The following VPS53 variants were observed in gnomAD, a reference collection of about 807,000 sequenced individuals.
VPS53 encodes the protein vacuolar protein sorting-associated protein 53 homolog.
VPS53 carries 70 observed loss-of-function variants against 107.0 expected under a neutral mutation model. That is an observed-to-expected ratio of 0.65 (90% confidence interval 0.54 to 0.80). VPS53 has a LOEUF of 0.80. Ranked by LOEUF, VPS53 falls within the 30% of genes least tolerant of loss-of-function variation. VPS53 has a pLI of 0.00. For synonymous variants in VPS53, 409 were observed against 393.3 expected, an observed-to-expected ratio of 1.04 and a Z score of -0.47; for missense variants, 917 against 1,049.4, an observed-to-expected ratio of 0.87 and a Z score of 1.74.
chr17:509,923 T>C lies in VPS53; in HGVS notation c.*9205A>G, dbSNP rs57746945. The C allele has an allele frequency of 0.087, 9,195 of 106,232 alleles. 1,569 individuals are homozygous for C. The highest frequency in any genetic ancestry group is 0.34 in the African/African-American group (6,848 of 20,402). The allele number at this position is 106,232 out of a possible 1,614,324, so 6.6% of individuals were successfully genotyped here. A position where few individuals can be genotyped will look rare whatever the true frequency, so the allele number is the denominator to read the frequency against. The stretch of plus-strand genomic sequence containing the variant: ...CCTGGCTCGCCCCTCACCAGTCACA[T>C]ATCAAATCCTGGCTCGCCCCTCACC... On this transcript the variant is annotated 3_prime_UTR_variant, in exon 22 of 22. Transcript: ENST00000437048.
At chr17:667,660 G>C (rs1001688799) in intron 4 of VPS53, among the ~76,000 whole-genome samples, 16 of 139,336 alleles carry the variant, frequency 1.1e-4, no homozygotes, top group South Asian at 5.4e-4. Flanking sequence ...TGTTCTGGGG[G>C]GGGGGGCAAT....
Position 519,032 on chromosome 17 carries a change from G to T in VPS53, c.*96C>A, listed in dbSNP as rs146997968. 2 of 1,325,170 alleles carry T rather than the reference G, an allele frequency of 1.5e-6. No homozygotes were observed. Among genetic ancestry groups the T allele is most frequent in the Non-Finnish European group, 2.0e-6 (2 of 995,598 alleles). 82.1% of individuals were successfully genotyped at this position (1,325,170 alleles called of 1,614,324 possible). A position where few individuals can be genotyped will look rare whatever the true frequency, so the allele number is the denominator to read the frequency against. On this transcript the variant is annotated 3_prime_UTR_variant, in exon 22 of 22. Coordinates refer to ENST00000437048, the MANE Select transcript of VPS53 (RefSeq NM_001128159.3). This position sits in a 1 kb window ranked among gnomAD's most constrained non-coding sequence, Gnocchi z 5.0. Reference sequence around the variant, plus strand: ...TGTCCCAGGAAGTTTGAAGACCGACGATGTGAGAGTGCCGGGGAGCACAGG... The same window carrying T: ...TGTCCCAGGAAGTTTGAAGACCGACTATGTGAGAGTGCCGGGGAGCACAGG...
chr17:706,177 A>G (rs1469518615), intron 2 of VPS53: 2 of 152,220 alleles, frequency 1.3e-5, no homozygotes, highest in Non-Finnish European at 1.5e-5. Flanking sequence ...AGTATCTAAT[A>G]AAGATTACTA....
chr17:590,846 G>T (rs1166155445), intron 12 of VPS53, among the ~76,000 whole-genome samples: 5 of 148,736 alleles, frequency 3.4e-5, no homozygotes, highest in South Asian at 2.2e-4. Context: ...TCTCTTTTTT[G>T]GTTGTGTCTC....
At position 682,752 on chromosome 17, in the gene VPS53, G is replaced by GA. The variant is rs891392012; in HGVS notation, c.285+14665dup. ...TTTAAGACATATATACGCCAAAAAA[G>GA]AAAAAAAAGAAGAAAGGGAAGAAAG... On this transcript the variant is annotated intron_variant, in intron 4 of 21. Transcript: ENST00000437048. 7.9e-5 allele frequency among the ~76,000 whole-genome samples: 12 copies of GA among 151,112 alleles called. No homozygotes were observed. The East Asian group carries it at 1.8e-3, about 22-fold the overall frequency.
chr17:624,327 T>C (rs1969597634), intron 10 of VPS53, among the ~76,000 whole-genome samples: 1 of 152,120 alleles, frequency 6.6e-6, no homozygotes. Context: ...AATCATCTCT[T>C]CAACTAGAGA....
rs967372866 is a variant in VPS53, at chr17:644,876, G to A, written c.608+8415C>T. ...TGGGACTCCAGGTGTGAGCCACCAT[G>A]CCCAGCCTTTTTAGTGTTACTTAAT... On this transcript the variant is annotated intron_variant, in intron 7 of 21. Coordinates refer to ENST00000437048, the MANE Select transcript of VPS53 (RefSeq NM_001128159.3). Among the ~76,000 whole-genome samples the A allele has an allele frequency of 2.0e-5, 3 of 152,168 alleles. No individual in the cohort carries two copies. In the East Asian group the frequency reaches 5.8e-4, roughly 29 times the overall value.
intron 7 of VPS53, among the ~76,000 whole-genome samples, chr17:646,689 G>A (rs62053769): frequency 2.6e-5 from 3 of 115,764 alleles, no homozygotes; most frequent in Non-Finnish European, 3.6e-5. Context: ...TCCATATCAC[G>A]GACTGGAGAC....
At chr17:672,108 T>TCACA (rs1392614940) in intron 4 of VPS53, among the ~76,000 whole-genome samples, 94 of 30,284 alleles carry the variant, frequency 3.1e-3, no homozygotes, top group African/African-American at 6.8e-3. Flanking sequence ...ATGATGAGGG[T>TCACA]GACACACACA....
At chr17:658,924 T>C (rs1009229962) in intron 5 of VPS53, among the ~76,000 whole-genome samples, 2 of 152,156 alleles carry the variant, frequency 1.3e-5, no homozygotes, top group Non-Finnish European at 2.9e-5. Flanking sequence ...ATTCCACACC[T>C]ATGATCCTGC....
intron 12 of VPS53, among the ~76,000 whole-genome samples, chr17:588,587 C>T (rs887529250): frequency 6.6e-6 from 1 of 152,154 alleles, no homozygotes; most frequent in Non-Finnish European, 1.5e-5. Context: ...ACCCTCTTCC[C>T]TTTTTACCTT....
intron 17 of VPS53, 60 bp downstream of exon 17, chr17:551,812 G>A (rs373458827): frequency 1.4e-6 from 2 of 1,454,822 alleles, no homozygotes; most frequent in Non-Finnish European, 9.3e-7. Flanking sequence ...ACAAGGGCCA[G>A]TAGAAGCCAC....
intron 4 of VPS53, among the ~76,000 whole-genome samples, chr17:666,684 A>C (rs188282419): frequency 1.8e-4 from 28 of 151,442 alleles, no homozygotes; most frequent in Admixed American, 7.9e-4. Flanking sequence ...ACAACAACAA[A>C]AAACTCATGT....
intron 1 of VPS53, 43 bp from the exon 2 acceptor site, chr17:710,656 C>G: frequency 7.2e-7 from 1 of 1,384,446 alleles, no homozygotes; most frequent in South Asian, 1.2e-5. Flanking sequence ...ATGTAGTATA[C>G]CGTAAATATA....
rs557278282 is a variant in VPS53, at chr17:659,173, G to A, written c.372+2636C>T. Among the ~76,000 whole-genome samples the A allele has an allele frequency of 4.6e-5, 7 of 152,222 alleles. No individual in the cohort carries two copies. The East Asian group carries it at 7.7e-4, about 17-fold the overall frequency. On this transcript the variant is annotated intron_variant, in intron 5 of 21. Coordinates refer to ENST00000437048, the MANE Select transcript of VPS53 (RefSeq NM_001128159.3). Reference sequence around the variant, plus strand: ...AGGCTGAAGATTGGCCCTGTAACCTGATCACCCACTTGCAACTCTGAAATC... The same window carrying A: ...AGGCTGAAGATTGGCCCTGTAACCTAATCACCCACTTGCAACTCTGAAATC...
At chr17:702,432 G>A (rs1167220420) in intron 2 of VPS53, among the ~76,000 whole-genome samples, 1 of 151,926 alleles carries the variant, frequency 6.6e-6, no homozygotes, top group Non-Finnish European at 1.5e-5. Context: ...TTGAGGCCGA[G>A]GTGGGCGGAT....
At chr17:566,734 T>G (rs1480640341) in intron 13 of VPS53, among the ~76,000 whole-genome samples, 2 of 151,978 alleles carry the variant, frequency 1.3e-5, no homozygotes, top group African/African-American at 4.8e-5. Flanking sequence ...TTTTTGTTTT[T>G]TTTTGTTTTT....
chr17:680,151 G>A (rs1169508342), intron 4 of VPS53, among the ~76,000 whole-genome samples: 20 of 152,086 alleles, frequency 1.3e-4, no homozygotes, highest in East Asian at 5.8e-4. Flanking sequence ...AAAATTAGCC[G>A]GTCATGGTAG....
intron 12 of VPS53, among the ~76,000 whole-genome samples, chr17:598,476 G>A (rs1419440706): frequency 2.6e-5 from 4 of 151,756 alleles, no homozygotes; most frequent in African/African-American, 9.7e-5. Context: ...GGAAAGTGAG[G>A]AGCGTCTCCG....
Sources: allele counts gnomAD v4.1 joint callset (sites outside exome capture counted in the v4.1 genomes callset), GRCh38; gene constraint gnomAD v4.1.1; non-coding constraint Gnocchi (gnomAD v3.1); transcripts MANE v1.5; gene names NCBI Gene and HGNC (gene_info 2026-07-23, HGNC 2026-07-21).